The following TAFA4 variants were observed in gnomAD, a reference collection of about 807,000 sequenced individuals.
TAFA4 encodes chemokine-like protein TAFA-4.
A neutral mutation model predicts 21.1 loss-of-function variants in TAFA4; 20 were observed. That is an observed-to-expected ratio of 0.95 (90% CI 0.67 to 1.38). The LOEUF (loss-of-function observed/expected upper bound fraction) is 1.38, where lower values mean the gene tolerates loss of function less well. TAFA4 is among the 40% of genes most tolerant of loss of function. The pLI, the probability that TAFA4 is intolerant of heterozygous loss-of-function variation, is 0.00. For synonymous variants in TAFA4, 71 were observed against 67.4 expected (o/e 1.05, Z -0.26); for missense variants, 211 against 180.9 (o/e 1.17, Z -0.95).
chr3:68,755,329 A>T (rs1442742105), intron 3 of TAFA4, among the ~76,000 whole-genome samples: 1 of 152,246 alleles, frequency 6.6e-6, no homozygotes, highest in Non-Finnish European at 1.5e-5. Flanking sequence ...AAGAAACTTT[A>T]CTGGAAGATC....
chr3:68,898,753 G>C (rs2089816479), intron 1 of TAFA4, among the ~76,000 whole-genome samples: 1 of 152,166 alleles, frequency 6.6e-6, no homozygotes, highest in African/African-American at 2.4e-5. Flanking sequence ...AACCCTGTAA[G>C]GAAGTCTGTT....
At chr3:68,754,566 A>C (rs1702623042) in intron 3 of TAFA4, among the ~76,000 whole-genome samples, 1 of 152,212 alleles carries the variant, frequency 6.6e-6, no homozygotes, top group African/African-American at 2.4e-5. Flanking sequence ...TCATCCCATT[A>C]TCAGTGCTAC....
At chr3:68,930,769 C>T (rs1045144716) in intron 1 of TAFA4, among the ~76,000 whole-genome samples, 10 of 152,190 alleles carry the variant, frequency 6.6e-5, no homozygotes, top group African/African-American at 2.2e-4. Flanking sequence ...GGCTTTCACA[C>T]TGATATGACT....
chr3:68,788,305 T>C (rs143233307), intron 3 of TAFA4, among the ~76,000 whole-genome samples: 100 of 152,318 alleles, frequency 6.6e-4, no homozygotes, highest in African/African-American at 2.4e-3. Context: ...TCAGGACAGC[T>C]GCCCTCACTG....
chr3:68,781,063 A>G (rs1703144816), intron 3 of TAFA4, among the ~76,000 whole-genome samples: 1 of 152,152 alleles, frequency 6.6e-6, no homozygotes, highest in South Asian at 2.1e-4. Flanking sequence ...AGGAGAAATC[A>G]TAAAAGTATT....
chr3:68,827,919 C>T (rs1480579931), intron 3 of TAFA4, among the ~76,000 whole-genome samples: 1 of 152,140 alleles, frequency 6.6e-6, no homozygotes, highest in African/African-American at 2.4e-5. Flanking sequence ...GCTTTTGTTG[C>T]CATTGCTTTT....
chr3:68,879,371 T>C (rs1478618334), intron 3 of TAFA4, among the ~76,000 whole-genome samples: 2 of 152,240 alleles, frequency 1.3e-5, no homozygotes, highest in East Asian at 3.9e-4. Context: ...ATTGCAAGGA[T>C]CATGGACTTT....
At chr3:68,753,399 G>A (rs146343934) in intron 3 of TAFA4, among the ~76,000 whole-genome samples, 282 of 145,746 alleles carry the variant, frequency 1.9e-3, no homozygotes, top group African/African-American at 6.6e-3. Context: ...GCAGTGGCAC[G>A]ATCTCAGCTC....
At position 68,743,833 on chromosome 3, in the gene TAFA4, G is replaced by A. The variant is rs193078279; in HGVS notation, c.287-4634C>T. Reference sequence around the variant, plus strand: ...TCTAGATTTTCTTCTTCTCTATCCAGTAGTCTTTCTACTGTAACACAATTT... The same window carrying A: ...TCTAGATTTTCTTCTTCTCTATCCAATAGTCTTTCTACTGTAACACAATTT... On this transcript the variant is annotated intron_variant, in intron 4 of 5. Coordinates refer to ENST00000295569, the MANE Select transcript of TAFA4 (RefSeq NM_182522.5). Among the ~76,000 whole-genome samples the A allele has an allele frequency of 2.3e-3, 356 of 152,212 alleles. 2 individuals are homozygous for A. The highest frequency in any genetic ancestry group is 8.3e-3 in the African/African-American group (346 of 41,516).
chr3:68,888,568 GTT>G (rs2089697629), intron 1 of TAFA4, among the ~76,000 whole-genome samples: 1 of 152,044 alleles, frequency 6.6e-6, no homozygotes, highest in Admixed American at 6.6e-5. Flanking sequence ...GCCTTAGTCT[GTT>G]TTCTGCTGCT....
intron 3 of TAFA4, among the ~76,000 whole-genome samples, chr3:68,785,599 G>A (rs1703240527): frequency 6.6e-6 from 1 of 152,208 alleles, no homozygotes; most frequent in African/African-American, 2.4e-5. Context: ...TGGAACTCGC[G>A]CTAGCCCACA....
At chr3:68,816,253 C>A (rs980863158) in intron 3 of TAFA4, among the ~76,000 whole-genome samples, 1 of 152,094 alleles carries the variant, frequency 6.6e-6, no homozygotes, top group Admixed American at 6.6e-5. Flanking sequence ...CAACATGGCA[C>A]ATGTATACAT....
At chr3:68,747,263 A>C (rs1702476380) in intron 4 of TAFA4, among the ~76,000 whole-genome samples, 1 of 143,158 alleles carries the variant, frequency 7.0e-6, no homozygotes, top group East Asian at 1.9e-4. Flanking sequence ...CTCTCTCTCA[A>C]ACACACACAC....
intron 4 of TAFA4, among the ~76,000 whole-genome samples, chr3:68,752,559 G>A (rs983318872): frequency 4.6e-5 from 7 of 152,176 alleles, no homozygotes; most frequent in African/African-American, 1.7e-4. Context: ...GGAGAACAGG[G>A]CATCAGAGGA....
chr3:68,750,870 T>C (rs541858146), intron 4 of TAFA4, among the ~76,000 whole-genome samples: 1 of 152,324 alleles, frequency 6.6e-6, no homozygotes, highest in East Asian at 1.9e-4. Context: ...TTCTCCACTG[T>C]ACTAAAAGTT....
intron 3 of TAFA4, among the ~76,000 whole-genome samples, chr3:68,812,873 T>G (rs1472114402): frequency 2.0e-5 from 3 of 150,712 alleles, no homozygotes; most frequent in Non-Finnish European, 4.4e-5. Flanking sequence ...AGAATATACA[T>G]TCTTTTCAGC....
chr3:68,748,334 C>T (rs1204653246), intron 4 of TAFA4, among the ~76,000 whole-genome samples: 1 of 152,218 alleles, frequency 6.6e-6, no homozygotes, highest in African/African-American at 2.4e-5. Context: ...AGAACAAGCC[C>T]AGTGAAAACA....
rs1367692384 is a variant in TAFA4 at position 68,753,144 on chromosome 3, AT to A, written c.131-127del. 5 of 815,568 alleles carry A rather than the reference AT, an allele frequency of 6.1e-6. No individual in the cohort carries two copies. The Admixed American group carries it at 8.9e-5, about 15-fold the overall frequency. 50.5% of individuals were successfully genotyped at this position (815,568 alleles called of 1,614,324 possible). On this transcript the variant is annotated intron_variant, in intron 3 of 5. Coordinates refer to ENST00000295569, the MANE Select transcript of TAFA4 (RefSeq NM_182522.5). ...TGCTATGCTTATGAGTCTTTGTAAC[AT>A]TTTATTTTGATAACATATTATTTCA...
At chr3:68,742,253 C>G (rs941650520) in intron 4 of TAFA4, among the ~76,000 whole-genome samples, 1 of 99,052 alleles carries the variant, frequency 1.0e-5, no homozygotes, top group East Asian at 9.4e-4. Flanking sequence ...ACATGGATAT[C>G]TACGCTCACC....
Sources: gnomAD v4.1 joint callset for allele counts (sites outside exome capture counted in the v4.1 genomes callset) on GRCh38, gnomAD v4.1.1 for gene constraint, MANE v1.5 for transcripts, NCBI Gene and HGNC (gene_info 2026-07-23, HGNC 2026-07-21) for gene names.